The following PPP1R16B variants were observed in gnomAD, a reference collection of about 807,000 sequenced individuals.
PPP1R16B encodes the protein protein phosphatase 1 regulatory inhibitor subunit 16B.
Under a neutral mutation model 61.7 loss-of-function variants are expected in PPP1R16B, and 14 were observed. The ratio of observed to expected loss-of-function variants is 0.23; its 90% CI spans 0.15 to 0.35. The LOEUF (loss-of-function observed/expected upper bound fraction) is 0.35, where lower values mean the gene tolerates loss of function less well. Ranked by LOEUF, PPP1R16B falls within the 10% of genes least tolerant of loss-of-function variation. The pLI, the probability that PPP1R16B is intolerant of heterozygous loss-of-function variation, is 1.00. For missense variants in PPP1R16B, 547 were observed against 752.5 expected (o/e 0.73, Z 3.19); for synonymous variants, 266 against 305.3 (o/e 0.87, Z 1.34).
At position 38,896,003 on chromosome 20, in the gene PPP1R16B, C is replaced by G. The variant is rs561981217; in HGVS notation, c.467+293C>G. The stretch of plus-strand genomic sequence containing the variant: ...CCCTCCTTCCTTCTTTCTCTCCTCC[C>G]TTCCCCCCTTCCTTCTTTCTTTCCT... On this transcript the variant is annotated intron_variant, in intron 4 of 10. Transcript: ENST00000299824. Among the ~76,000 whole-genome samples the G allele has an allele frequency of 3.8e-5, 5 of 131,592 alleles. 1 individual carries two copies. The highest frequency in any genetic ancestry group is 4.7e-4 in the East Asian group (2 of 4,270). 86.3% of individuals were successfully genotyped at this position (131,592 alleles called of 152,430 possible). A position where few individuals can be genotyped will look rare whatever the true frequency, so the allele number is the denominator to read the frequency against.
chr20:38,835,906 C>G lies in PPP1R16B; in HGVS notation c.-20C>G. 3 of 1,525,866 alleles carry G rather than the reference C, an allele frequency of 2.0e-6. No homozygotes were observed. The highest frequency in any genetic ancestry group is 2.6e-6 in the Non-Finnish European group (3 of 1,138,948). The allele number at this position is 1,525,866 out of a possible 1,614,324, so 94.5% of individuals were successfully genotyped here. ...GCACCGTGCTAGCCCCCAGCCAGGG[C>G]GTTGGGGAGGGCGGTGGCCATGGCC... On this transcript the variant is annotated 5_prime_UTR_variant, in exon 2 of 11. Transcript: ENST00000299824.
chr20:38,853,910 C>T (rs2084985347), intron 2 of PPP1R16B, among the ~76,000 whole-genome samples: 2 of 152,208 alleles, frequency 1.3e-5, no homozygotes, highest in African/African-American at 4.8e-5. Context: ...TTTATCCAGC[C>T]TTTGCCTGCA....
In PPP1R16B at chr20:38,922,461, G is replaced by A. The variant is rs948566526; in HGVS notation, c.*3795G>A. 3 of 152,642 alleles carry A rather than the reference G, an allele frequency of 2.0e-5. No individual in the cohort carries two copies. The highest frequency in any genetic ancestry group is 4.4e-5 in the Non-Finnish European group (3 of 68,054). The allele number at this position is 152,642 out of a possible 1,614,324, so 9.5% of individuals were successfully genotyped here. ...CTTGGGGATGGTCTCCCCTGCCCCA[G>A]GGCACATAAGAGCAAAGGCTCCAAT... is the stretch of plus-strand genomic sequence containing the variant. On this transcript the variant is annotated 3_prime_UTR_variant, in exon 11 of 11. Transcript: ENST00000299824.
intron 6 of PPP1R16B, among the ~76,000 whole-genome samples, chr20:38,904,401 G>A (rs1405577490): frequency 6.6e-6 from 1 of 152,190 alleles, no homozygotes; most frequent in African/African-American, 2.4e-5. Flanking sequence ...TCACAGTGTT[G>A]CTGGGAGCAT....
chr20:38,907,464 G>C lies in PPP1R16B; in HGVS notation c.899-342G>C, dbSNP rs896694974. Reference sequence around the variant, plus strand: ...TAGGTAGAATAGATGGGAGTATGTAGCTTTATTAGCATCTTTGCATAATTT... The same window carrying C: ...TAGGTAGAATAGATGGGAGTATGTACCTTTATTAGCATCTTTGCATAATTT... On this transcript the variant is annotated intron_variant, in intron 8 of 10. Coordinates refer to ENST00000299824, the MANE Select transcript of PPP1R16B (RefSeq NM_015568.4). The surrounding 1 kb of genome is among the most constrained non-coding windows in gnomAD (Gnocchi z 4.5). 2.0e-5 allele frequency among the ~76,000 whole-genome samples: 3 copies of C among 152,146 alleles called. No individual in the cohort carries two copies. The highest frequency in any genetic ancestry group is 2.1e-4 in the South Asian group (1 of 4,822).
chr20:38,903,920 T>G (rs1601307167), intron 6 of PPP1R16B, among the ~76,000 whole-genome samples: 1 of 152,074 alleles, frequency 6.6e-6, no homozygotes, highest in Non-Finnish European at 1.5e-5. Flanking sequence ...GGGGGGTGGG[T>G]GCCCTGTCCC....
At chr20:38,831,945 G>T (rs1484230272) in intron 1 of PPP1R16B, among the ~76,000 whole-genome samples, 1 of 152,204 alleles carries the variant, frequency 6.6e-6, no homozygotes, top group African/African-American at 2.4e-5. Flanking sequence ...CCATGCTTGT[G>T]CATGTTGGTT....
At position 38,854,739 on chromosome 20, in the gene PPP1R16B, C is replaced by T. The variant is rs146062696; in HGVS notation, c.250+18564C>T. On this transcript the variant is annotated intron_variant, in intron 2 of 10. Coordinates refer to ENST00000299824, the MANE Select transcript of PPP1R16B (RefSeq NM_015568.4). ...CAGGGAAGGGAGGGGAGTGGGTCAC[C>T]GTGCAGATTCATGGAAATAAAGGAT... is the stretch of plus-strand genomic sequence containing the variant. Among the ~76,000 whole-genome samples the T allele has an allele frequency of 2.0e-5, 3 of 152,076 alleles. No homozygotes were observed. The East Asian group carries it at 5.8e-4, about 29-fold the overall frequency.
At chr20:38,854,244 G>C (rs1033849285) in intron 2 of PPP1R16B, among the ~76,000 whole-genome samples, 3 of 152,206 alleles carry the variant, frequency 2.0e-5, no homozygotes, top group Non-Finnish European at 4.4e-5. Flanking sequence ...CTAGTGTTTA[G>C]GTGGCATTGA....
intron 6 of PPP1R16B, among the ~76,000 whole-genome samples, chr20:38,904,970 T>G (rs1289038240): frequency 6.6e-6 from 1 of 152,236 alleles, no homozygotes; most frequent in Non-Finnish European, 1.5e-5. Flanking sequence ...CCTTACTGAG[T>G]GTTCATTATG....
At chr20:38,833,330 A>AGGAG (rs1323913538) in intron 1 of PPP1R16B, among the ~76,000 whole-genome samples, 1 of 152,238 alleles carries the variant, frequency 6.6e-6, no homozygotes, top group Non-Finnish European at 1.5e-5. Flanking sequence ...AGCCTAGAGA[A>AGGAG]GGAGATAGGT....
chr20:38,816,466 A>G (rs889874172), intron 1 of PPP1R16B, among the ~76,000 whole-genome samples: 3 of 152,228 alleles, frequency 2.0e-5, no homozygotes, highest in Non-Finnish European at 2.9e-5. Context: ...ATGGTTTTCA[A>G]TCAATGAATG....
At chr20:38,900,864 G>A (rs2085387649) in intron 5 of PPP1R16B, among the ~76,000 whole-genome samples, 180 bp downstream of exon 5, 1 of 152,228 alleles carries the variant, frequency 6.6e-6, no homozygotes, top group African/African-American at 2.4e-5. Context: ...CAGGACATGA[G>A]AGGACCCTGG....
chr20:38,892,392 C>T (rs1022397362), intron 3 of PPP1R16B, among the ~76,000 whole-genome samples: 2 of 152,134 alleles, frequency 1.3e-5, no homozygotes, highest in African/African-American at 4.8e-5. Flanking sequence ...GCATGAAGCT[C>T]CTGGCTGACC....
intron 1 of PPP1R16B, among the ~76,000 whole-genome samples, chr20:38,809,263 C>T (rs183004040): frequency 1.1e-3 from 170 of 152,148 alleles, no homozygotes; most frequent in African/African-American, 2.9e-3. Flanking sequence ...GGTGGGGGCT[C>T]ACTCCTGGGA....
chr20:38,840,625 G>A (rs1033162864), intron 2 of PPP1R16B, among the ~76,000 whole-genome samples: 6 of 152,190 alleles, frequency 3.9e-5, no homozygotes, highest in Non-Finnish European at 7.3e-5. Flanking sequence ...CGTGATCTCT[G>A]GGGAGCCATC....
At position 38,895,559 on chromosome 20, in the gene PPP1R16B, T is replaced by C; in HGVS notation, c.322-6T>C. Reference sequence around the variant, plus strand: ...GGAGCTGACTCTGCCTGTGTGTCTCTCCCAGTGCTGCATCGACAACTTTGA... The same window carrying C: ...GGAGCTGACTCTGCCTGTGTGTCTCCCCCAGTGCTGCATCGACAACTTTGA... On this transcript the variant is annotated splice_polypyrimidine_tract_variant and splice_region_variant and intron_variant, in intron 3 of 10. Transcript: ENST00000299824. 1 of 1,613,504 alleles carries C rather than the reference T, an allele frequency of 6.2e-7. No homozygotes were observed. The highest frequency in any genetic ancestry group is 8.5e-7 in the Non-Finnish European group (1 of 1,179,544).
chr20:38,911,220 G>A (rs1230083945), intron 10 of PPP1R16B, among the ~76,000 whole-genome samples: 1 of 143,768 alleles, frequency 7.0e-6, no homozygotes, highest in African/African-American at 2.6e-5. Flanking sequence ...AGGCTGGAGT[G>A]CATTGGCGCG....
intron 10 of PPP1R16B, among the ~76,000 whole-genome samples, chr20:38,911,154 G>GA (rs1555809660): frequency 7.6e-6 from 1 of 131,444 alleles, no homozygotes; most frequent in Admixed American, 7.6e-5. Flanking sequence ...CCTCATTCTT[G>GA]TTTTTTTTTT....
Sources: allele counts gnomAD v4.1 joint callset (sites outside exome capture counted in the v4.1 genomes callset), GRCh38; gene constraint gnomAD v4.1.1; non-coding constraint Gnocchi (gnomAD v3.1); transcripts MANE v1.5; gene names NCBI Gene and HGNC (gene_info 2026-07-23, HGNC 2026-07-21).